Variants in BTG4 observed in about 807,000 individuals in gnomAD.
The protein encoded by BTG4 is protein BTG4.
In BTG4, 10 loss-of-function variants were observed where a neutral mutation model predicts 19.3. That is an observed-to-expected ratio of 0.52 (90% CI 0.32 to 0.88). The LOEUF is 0.88. Ranked by LOEUF, BTG4 falls within the 40% of genes least tolerant of loss-of-function variation. The probability of loss-of-function intolerance (pLI) is 0.04; values close to 1 mark genes in which losing one functional copy is unlikely to be tolerated. For synonymous variants in BTG4, 91 were observed against 95.7 expected, an observed-to-expected ratio of 0.95 and a Z score of 0.29; for missense variants, 238 against 281.9, an observed-to-expected ratio of 0.84 and a Z score of 1.11.
intron 5 of BTG4, among the ~76,000 whole-genome samples, chr11:111,481,980 C>T (rs1864768177): frequency 6.7e-6 from 1 of 150,020 alleles, no homozygotes; most frequent in Non-Finnish European, 1.5e-5. Flanking sequence ...ATGAAAAGCA[C>T]AAAAAAAAGA....
At chr11:111,453,443 C>T in the BTG4 span, 1 of 456,594 alleles carries the variant, frequency 2.2e-6, no homozygotes, top group Non-Finnish European at 4.4e-6. Context: ...GCTCGGAAGG[C>T]TGCTCCCCAC....
At chr11:111,408,261 C>A in the BTG4 span, among the ~76,000 whole-genome samples, 1 of 152,202 alleles carries the variant, frequency 6.6e-6, no homozygotes, top group Non-Finnish European at 1.5e-5. Flanking sequence ...CCCTTACGTC[C>A]TCCCACTTCC....
At chr11:111,395,124 G>C in the BTG4 span, among the ~76,000 whole-genome samples, 5 of 152,248 alleles carry the variant, frequency 3.3e-5, no homozygotes, top group Non-Finnish European at 7.3e-5. Context: ...CCAGGAAGTA[G>C]GGAAGAAATT....
chr11:111,452,177 T>C, the BTG4 span, among the ~76,000 whole-genome samples: 1 of 152,244 alleles, frequency 6.6e-6, no homozygotes, highest in Non-Finnish European at 1.5e-5. Context: ...GAGGTTTTAC[T>C]GGCTTAGTCC....
chr11:111,398,462 G>GT, the BTG4 span, among the ~76,000 whole-genome samples: 142 of 150,560 alleles, frequency 9.4e-4, no homozygotes, highest in African/African-American at 2.3e-3. Context: ...TCTTTTTTTT[G>GT]TTTTTTTTTG....
intron 1 of BTG4, among the ~76,000 whole-genome samples, chr11:111,510,934 T>C (rs1866851475): frequency 6.6e-6 from 1 of 152,198 alleles, no homozygotes; most frequent in Non-Finnish European, 1.5e-5. Context: ...GTGTTCGATA[T>C]AGTATTGGGT....
chr11:111,508,325 G>A (rs1319478288), intron 1 of BTG4, among the ~76,000 whole-genome samples: 1 of 150,728 alleles, frequency 6.6e-6, no homozygotes, highest in African/African-American at 2.4e-5. Flanking sequence ...GTATACATCT[G>A]GGGCTCCTTG....
At chr11:111,514,185 CT>C (rs1364808952), upstream of BTG4, 1 of 155,640 alleles carries the variant, frequency 6.4e-6, no homozygotes, top group Non-Finnish European at 1.4e-5. Flanking sequence ...GTCTATGCAA[CT>C]TTTAGTGGGA....
chr11:111,419,426 G>A, the BTG4 span, among the ~76,000 whole-genome samples: 12 of 152,234 alleles, frequency 7.9e-5, no homozygotes, highest in Non-Finnish European at 1.3e-4. Context: ...CTTCCTGTAC[G>A]TGCCCCTCGC....
the BTG4 span, among the ~76,000 whole-genome samples, chr11:111,388,446 C>T: frequency 2.2e-3 from 340 of 152,042 alleles, 1 homozygote; most frequent in Non-Finnish European, 3.6e-3. Flanking sequence ...TTCTATCTAT[C>T]CCCTTTCAAG....
chr11:111,433,269 G>A, the BTG4 span, among the ~76,000 whole-genome samples: 1 of 152,120 alleles, frequency 6.6e-6, no homozygotes, highest in African/African-American at 2.4e-5. Flanking sequence ...GCATGAAATA[G>A]TTTGTCCAAA....
intron 5 of BTG4, among the ~76,000 whole-genome samples, chr11:111,486,883 T>G (rs1163180634): frequency 1.3e-5 from 2 of 152,180 alleles, no homozygotes; most frequent in Non-Finnish European, 2.9e-5. Flanking sequence ...TAGGTAAACA[T>G]GTGCCATGGT....
At chr11:111,479,620 A>T (rs1864611859) in intron 5 of BTG4, among the ~76,000 whole-genome samples, 2 of 152,172 alleles carry the variant, frequency 1.3e-5, no homozygotes, top group Admixed American at 1.3e-4. Context: ...TGAGTTTCTA[A>T]ATTATGTTTA....
At chr11:111,456,919 T>C in the BTG4 span, 1 of 169,496 alleles carries the variant, frequency 5.9e-6, no homozygotes, top group African/African-American at 2.3e-5. The surrounding 1 kb of genome is among the most constrained non-coding windows in gnomAD (Gnocchi z 4.2). Flanking sequence ...CCCCTCCTCA[T>C]CTTGACATTC....
At chr11:111,405,785 CTT>C in the BTG4 span, among the ~76,000 whole-genome samples, 1 of 152,192 alleles carries the variant, frequency 6.6e-6, no homozygotes. Context: ...AGCTGTGTGA[CTT>C]TGGACAATCT....
At chr11:111,453,556 G>C in the BTG4 span, 2 of 455,884 alleles carry the variant, frequency 4.4e-6, no homozygotes, top group East Asian at 1.4e-4. Context: ...CCAAGACTCT[G>C]ACGCCCCCAG....
At chr11:111,469,251 C>T (rs935429130) in intron 5 of BTG4, 9 of 152,288 alleles carry the variant, frequency 5.9e-5, no homozygotes, top group African/African-American at 1.9e-4. Context: ...CTGTGGGAAG[C>T]TTTGTTCTGC....
chr11:111,479,130 C>T (rs1864581929), intron 5 of BTG4, among the ~76,000 whole-genome samples: 1 of 152,036 alleles, frequency 6.6e-6, no homozygotes, highest in South Asian at 2.1e-4. Flanking sequence ...AAAAATGACA[C>T]CCTACCACTA....
chr11:111,511,278 T>A lies in BTG4; in HGVS notation c.-27+903A>T, dbSNP rs187556023. Among the ~76,000 whole-genome samples, 32 of 152,366 alleles carry A rather than the reference T, an allele frequency of 2.1e-4. No individual in the cohort carries two copies. The East Asian group carries it at 6.2e-3, about 29-fold the overall frequency. ...ACTATGGGGTGTACAGAACAAAGTATGCATTTGGAAAAAAAGTGCTGTCTT... is the reference window on the plus strand; with the variant it reads ...ACTATGGGGTGTACAGAACAAAGTAAGCATTTGGAAAAAAAGTGCTGTCTT... On this transcript the variant is annotated intron_variant, in intron 1 of 4. Coordinates refer to ENST00000692032, the MANE Select transcript of BTG4 (RefSeq NM_001367975.1).
Sources: allele counts gnomAD v4.1 joint callset (sites outside exome capture counted in the v4.1 genomes callset), GRCh38; gene constraint gnomAD v4.1.1; non-coding constraint Gnocchi (gnomAD v3.1); transcripts MANE v1.5; gene names NCBI Gene and HGNC (gene_info 2026-07-23, HGNC 2026-07-21).